The following CENPT variants were observed in gnomAD, a reference collection of about 807,000 sequenced individuals.
CENPT encodes the protein centromere protein T, also known as interphase centromere complex protein 22.
In CENPT, 42 loss-of-function variants were observed where a neutral mutation model predicts 59.7. The observed-to-expected ratio is 0.70, with a 90% CI of 0.55 to 0.91. The LOEUF is 0.91. Ranked by LOEUF, CENPT falls within the 40% of genes least tolerant of loss-of-function variation. The pLI, the probability that CENPT is intolerant of heterozygous loss-of-function variation, is 0.00. For synonymous variants in CENPT, 295 were observed against 289.6 expected (o/e 1.02, Z -0.19); for missense variants, 716 against 713.4 (o/e 1.00, Z -0.04).
intron 1 of CENPT, among the ~76,000 whole-genome samples, chr16:67,836,217 C>T (rs917238776): frequency 2.0e-5 from 3 of 148,852 alleles, no homozygotes; most frequent in African/African-American, 7.4e-5. Flanking sequence ...CCCACCACCA[C>T]ACCTGGCTAA....
chr16:67,841,306 T>C (rs1259881112), intron 1 of CENPT, among the ~76,000 whole-genome samples: 1 of 150,972 alleles, frequency 6.6e-6, no homozygotes, highest in African/African-American at 2.4e-5. Context: ...TAGCTCTCAG[T>C]GGCCTGCAGA....
chr16:67,830,154 G>A (rs1479572606), intron 11 of CENPT, 66 bp from the exon 12 acceptor site: 2 of 1,495,524 alleles, frequency 1.3e-6, no homozygotes, highest in African/African-American at 2.8e-5. Flanking sequence ...CTCAGAGAAG[G>A]GTAAAGATGG....
intron 1 of CENPT, among the ~76,000 whole-genome samples, chr16:67,841,049 G>A (rs562082585): frequency 1.3e-3 from 164 of 124,754 alleles, no homozygotes; most frequent in South Asian, 8.6e-3. Flanking sequence ...ATATATATTA[G>A]CCGGGCATGG....
chr16:67,830,864 C>T lies in CENPT; in HGVS notation c.704-316G>A, dbSNP rs569174556. 191 of 514,482 alleles carry T rather than the reference C, an allele frequency of 3.7e-4. 2 individuals carry two copies. The highest frequency in any genetic ancestry group is 2.1e-3 in the South Asian group (88 of 41,260). 31.9% of individuals were successfully genotyped at this position (514,482 alleles called of 1,614,324 possible). ...GTTCTGCTCCGTCTTCCCAAACCCT[C>T]TTCTTACTCTGGTGAACTTGTTTTC... is the stretch of plus-strand genomic sequence containing the variant. On this transcript the variant is annotated intron_variant, in intron 10 of 15. Coordinates refer to ENST00000562787, the MANE Select transcript of CENPT (RefSeq NM_025082.4).
chr16:67,839,022 G>A (rs984223398), intron 1 of CENPT, among the ~76,000 whole-genome samples: 2 of 152,068 alleles, frequency 1.3e-5, no homozygotes, highest in Non-Finnish European at 2.9e-5. Flanking sequence ...AGGCCAAGGT[G>A]GCCGGATCAC....
At position 67,828,299 on chromosome 16, in the gene CENPT, A is replaced by G; in HGVS notation, c.1654T>C (p.Tyr552His). 6.2e-7 allele frequency: 1 copy of G among 1,607,064 alleles called. No individual in the cohort carries two copies. The highest frequency in any genetic ancestry group is 1.1e-5 in the South Asian group (1 of 90,578). The change falls in exon 16 of 16, where the codon TAC (tyrosine) becomes CAC (histidine). Residue 552 changes from tyrosine to histidine, a missense_variant. By Grantham distance (83) the Tyr-to-His change is moderately conservative. Coordinates refer to ENST00000562787, the MANE Select transcript of CENPT (RefSeq NM_025082.4). ...EYRQLLIPCA[Y>H]SGNSVFPAQ Reference sequence around the variant, plus strand: ...GCAGGGAAGACAGAGTTGCCACTGTATGCACAGGGGATGAGCAGCTGCCGG... The same window carrying G: ...GCAGGGAAGACAGAGTTGCCACTGTGTGCACAGGGGATGAGCAGCTGCCGG...
At chr16:67,846,130 G>A (rs889017510) in intron 1 of CENPT, among the ~76,000 whole-genome samples, 1 of 152,248 alleles carries the variant, frequency 6.6e-6, no homozygotes, top group African/African-American at 2.4e-5. Context: ...AAAGGAAAGG[G>A]CAATGGGTAG....
chr16:67,828,883 A>C, intron 13 of CENPT, 40 bp from the exon 14 acceptor site: 2 of 1,537,940 alleles, frequency 1.3e-6, no homozygotes, highest in Non-Finnish European at 1.7e-6. Flanking sequence ...AACTTGCCTC[A>C]AGGAGGCTCT....
chr16:67,839,516 C>T (rs895027588), intron 1 of CENPT, among the ~76,000 whole-genome samples: 3 of 151,968 alleles, frequency 2.0e-5, no homozygotes, highest in Non-Finnish European at 2.9e-5. Context: ...GCCAAGATTG[C>T]ACCACTACAC....
Position 67,842,238 on chromosome 16 carries a change from C to G in CENPT, c.-492+5163G>C, listed in dbSNP as rs1364459393. 6.5e-6 allele frequency: 1 copy of G among 154,270 alleles called. No homozygotes were observed. The highest frequency in any genetic ancestry group is 2.4e-5 in the African/African-American group (1 of 41,530). The allele number at this position is 154,270 out of a possible 1,614,324, so 9.6% of individuals were successfully genotyped here. ...AAGGCGGCAGGAATCCGCACACACC[C>G]GCCCCGGAAGTGAGCCGCTTCTGGC... is the stretch of plus-strand genomic sequence containing the variant. On this transcript the variant is annotated intron_variant, in intron 1 of 15. Transcript: ENST00000562787. This position sits in a 1 kb window ranked among gnomAD's most constrained non-coding sequence, Gnocchi z 4.9.
intron 3 of CENPT, among the ~76,000 whole-genome samples, chr16:67,834,959 A>G (rs1233892521): frequency 1.3e-5 from 2 of 152,012 alleles, no homozygotes; most frequent in African/African-American, 4.8e-5. Flanking sequence ...CTCCTGCCTC[A>G]GCCTCCCGAG....
chr16:67,828,158 T>C lies in CENPT; in HGVS notation c.*109A>G. ...GGACATGCACCAAAATGCAGAATAT[T>C]CTGTTTATGACACTTTATTGATGCT... On this transcript the variant is annotated 3_prime_UTR_variant, in exon 16 of 16. Transcript: ENST00000562787. 1 of 1,331,808 alleles carries C rather than the reference T, an allele frequency of 7.5e-7. No homozygotes were observed. The highest frequency in any genetic ancestry group is 1.0e-6 in the Non-Finnish European group (1 of 990,276). The allele number at this position is 1,331,808 out of a possible 1,614,324, so 82.5% of individuals were successfully genotyped here.
At chr16:67,836,991 T>C (rs2057737931) in intron 1 of CENPT, among the ~76,000 whole-genome samples, 1 of 152,132 alleles carries the variant, frequency 6.6e-6, no homozygotes, top group Non-Finnish European at 1.5e-5. Context: ...TCTGCCCGCC[T>C]CGGCCTCCCA....
chr16:67,830,067 A>C lies in CENPT; in HGVS notation c.884T>G (p.Phe295Cys), dbSNP rs375541350. 3.7e-6 allele frequency: 6 copies of C among 1,614,084 alleles called. No homozygotes were observed. The African/African-American group carries it at 8.0e-5, about 22-fold the overall frequency. Residue 295 changes from phenylalanine (F) to cysteine (C), a missense_variant, in exon 12 of 16, where the codon TTT becomes TGT. By Grantham distance (205) the Phe-to-Cys change is radical. Coordinates refer to ENST00000562787, the MANE Select transcript of CENPT (RefSeq NM_025082.4). ...GACCTCCTCTGCCTCTCCTGCCAGAAACTGGGCTGGTTTCCCAGGGCCTGA... is the reference window on the plus strand; with the variant it reads ...GACCTCCTCTGCCTCTCCTGCCAGACACTGGGCTGGTTTCCCAGGGCCTGA... ...QKNSPGKPAQ[F>C]LAGEAEEVNA...
At chr16:67,830,732 C>T (rs1391030170) in intron 10 of CENPT, 184 bp from the exon 11 acceptor site, 9 of 603,228 alleles carry the variant, frequency 1.5e-5, no homozygotes, top group Non-Finnish European at 2.3e-5. Flanking sequence ...GAGGCCTTAT[C>T]GCCTACAGCC....
chr16:67,829,791 C>T lies in CENPT; in HGVS notation c.1160G>A (p.Gly387Glu). Residue 387 changes from glycine to glutamate, a missense_variant, in exon 12 of 16, where the codon GGG becomes GAG. Physicochemically the swap from Gly to Glu is moderately conservative, Grantham distance 98. Coordinates refer to ENST00000562787, the MANE Select transcript of CENPT (RefSeq NM_025082.4). ...TGCCCTGCCAGAGGCATCCTCATCC[C>T]CTGAAGATGCTCCTGGCCCGTCAGC... is the stretch of plus-strand genomic sequence containing the variant. ...AEADGPGASS[G>E]DEDASGRAAS... 2 of 1,614,194 alleles carry T rather than the reference C, an allele frequency of 1.2e-6. No homozygotes were observed. The highest frequency in any genetic ancestry group is 1.7e-6 in the Non-Finnish European group (2 of 1,180,014).
rs901295042 is a variant in CENPT at position 67,843,572 on chromosome 16, C to G, written c.-492+3829G>C. 42 of 1,456,176 alleles carry G rather than the reference C, an allele frequency of 2.9e-5. No individual in the cohort carries two copies. The African/African-American group carries it at 5.7e-4, about 20-fold the overall frequency. 90.2% of individuals were successfully genotyped at this position (1,456,176 alleles called of 1,614,324 possible). On this transcript the variant is annotated intron_variant, in intron 1 of 15. Coordinates refer to ENST00000562787, the MANE Select transcript of CENPT (RefSeq NM_025082.4). The surrounding 1 kb of genome is among the most constrained non-coding windows in gnomAD (Gnocchi z 5.7). ...GGGACCGCAGGCCATTGTTGAACTC[C>G]TCTATACTCCTGGGCACTGGTTGAC...
Position 67,842,863 on chromosome 16 carries a change from G to A in CENPT, c.-492+4538C>T. On this transcript the variant is annotated intron_variant, in intron 1 of 15. Coordinates refer to ENST00000562787, the MANE Select transcript of CENPT (RefSeq NM_025082.4). This position sits in a 1 kb window ranked among gnomAD's most constrained non-coding sequence, Gnocchi z 4.9. ...CTGGGGCCGCGGCCGCCCGCCGCAGGCAGCAGCAGCAACAGCAGCAGCAGC... is the reference window on the plus strand; with the variant it reads ...CTGGGGCCGCGGCCGCCCGCCGCAGACAGCAGCAGCAACAGCAGCAGCAGC... The A allele has an allele frequency of 1.2e-6, 2 of 1,609,552 alleles. No individual in the cohort carries two copies. The highest frequency in any genetic ancestry group is 1.7e-6 in the Non-Finnish European group (2 of 1,178,378).
At chr16:67,831,173 G>A (rs1207493975) in intron 10 of CENPT, 43 bp downstream of exon 10, 4 of 1,613,076 alleles carry the variant, frequency 2.5e-6, no homozygotes, top group Admixed American at 1.7e-5. Context: ...TCATAGCGGG[G>A]AGAGCTTTCC....
Sources: gnomAD v4.1 joint callset for allele counts (sites outside exome capture counted in the v4.1 genomes callset) on GRCh38, gnomAD v4.1.1 for gene constraint, Gnocchi (gnomAD v3.1) non-coding constraint, MANE v1.5 for transcripts, NCBI Gene and HGNC (gene_info 2026-07-23, HGNC 2026-07-21) for gene names.